Variants in ARPC1B observed in about 807,000 individuals in gnomAD.
ARPC1B encodes the protein actin-related protein 2/3 complex subunit 1B.
In ARPC1B, 29 loss-of-function variants were observed where a neutral mutation model predicts 46.0. The observed-to-expected ratio is 0.63, with a 90% CI of 0.47 to 0.86. ARPC1B has a LOEUF of 0.86. ARPC1B is among the 40% of genes least tolerant of loss of function. The pLI is 0.00. For missense variants in ARPC1B, 469 were observed against 529.4 expected, an observed-to-expected ratio of 0.89 and a Z score of 1.12; for synonymous variants, 201 against 213.9, an observed-to-expected ratio of 0.94 and a Z score of 0.53.
At chr7:99,390,736 TGCCCA>T (rs1303461614) in intron 5 of ARPC1B, 152 bp from the exon 6 acceptor site, 12 of 620,306 alleles carry the variant, frequency 1.9e-5, no homozygotes, top group Non-Finnish European at 3.3e-5. Flanking sequence ...CTCACTCTGT[TGCCCA>T]AACTGGAGCA....
chr7:99,386,582 T>C (rs1794397432), intron 2 of ARPC1B, 103 bp from the exon 3 acceptor site: 1 of 932,756 alleles, frequency 1.1e-6, no homozygotes, highest in Non-Finnish European at 1.8e-6. Context: ...AGAGACTGAG[T>C]CATGAAAGGT....
In ARPC1B at chr7:99,394,136, C is replaced by T. The variant is rs200325357; in HGVS notation, c.1080+17C>T. The T allele has an allele frequency of 6.2e-7, 1 of 1,612,006 alleles. No individual in the cohort carries two copies. Among genetic ancestry groups the T allele is most frequent in the East Asian group, 2.2e-5 (1 of 44,880 alleles). On this transcript the variant is annotated intron_variant, in intron 9 of 9. Transcript: ENST00000646101. ...GATGTGAAGGTGAGGCTTGCCCCTC[C>T]TGGCTTCCCGCCATGCCTCCCAGGT...
At chr7:99,386,552 C>G (rs939040927) in intron 2 of ARPC1B, 133 bp from the exon 3 acceptor site, 2 of 813,578 alleles carry the variant, frequency 2.5e-6, no homozygotes, top group Non-Finnish European at 4.3e-6. Context: ...CTTCAGGGGG[C>G]CCCTGCAAGG....
intron 1 of ARPC1B, chr7:99,377,299 T>A (rs1584396534): frequency 6.6e-6 from 1 of 151,994 alleles, no homozygotes; most frequent in African/African-American, 2.4e-5. Context: ...ACGCCTGCCT[T>A]ATACGTGCTT....
At chr7:99,393,009 G>A in intron 8 of ARPC1B, 133 bp downstream of exon 8, 3 of 999,674 alleles carry the variant, frequency 3.0e-6, no homozygotes, top group Non-Finnish European at 4.2e-6. Context: ...GACCCGGAGG[G>A]AGGGTAGGCG....
Position 99,394,502 on chromosome 7 carries a change from A to G in ARPC1B, c.*13A>G. ...CAAGATCAAATGACCTGTGAGGAAT[A>G]TGTTGCCTTCATCCTAGCTGCTGGG... is the stretch of plus-strand genomic sequence containing the variant. On this transcript the variant is annotated 3_prime_UTR_variant, in exon 10 of 10. Coordinates refer to ENST00000646101, the MANE Select transcript of ARPC1B (RefSeq NM_005720.4). 2 of 1,614,030 alleles carry G rather than the reference A, an allele frequency of 1.2e-6. No homozygotes were observed. Among genetic ancestry groups the G allele is most frequent in the Non-Finnish European group, 8.5e-7 (1 of 1,180,010 alleles).
chr7:99,386,204 T>C (rs1201808712), intron 2 of ARPC1B, among the ~76,000 whole-genome samples: 1 of 150,196 alleles, frequency 6.7e-6, no homozygotes, highest in East Asian at 1.9e-4. Context: ...TGAGTCGAGA[T>C]TGCACCACTG....
rs1485002584 is a variant in ARPC1B at position 99,391,162 on chromosome 7, A to G, written c.708-16A>G. On this transcript the variant is annotated splice_polypyrimidine_tract_variant and intron_variant, in intron 6 of 9. Coordinates refer to ENST00000646101, the MANE Select transcript of ARPC1B (RefSeq NM_005720.4). Reference sequence around the variant, plus strand: ...AGAGGAGTGGGACACCGTGACTCACAGCTCTCTCCCCTCAGCGTCGCGACT... The same window carrying G: ...AGAGGAGTGGGACACCGTGACTCACGGCTCTCTCCCCTCAGCGTCGCGACT... The G allele has an allele frequency of 6.2e-7, 1 of 1,613,778 alleles. No individual in the cohort carries two copies. Among genetic ancestry groups the G allele is most frequent in the East Asian group, 2.2e-5 (1 of 44,862 alleles).
chr7:99,390,143 C>A, intron 5 of ARPC1B, 131 bp downstream of exon 5: 2 of 776,770 alleles, frequency 2.6e-6, no homozygotes, highest in Non-Finnish European at 4.2e-6. Context: ...CAGTGGATGA[C>A]CTGGGCGTCG....
At chr7:99,380,102 T>C (rs748067058) in intron 1 of ARPC1B, among the ~76,000 whole-genome samples, 12 of 152,128 alleles carry the variant, frequency 7.9e-5, no homozygotes, top group Non-Finnish European at 1.8e-4. Flanking sequence ...CCCTCGTATT[T>C]TTCTCCTGAG....
intron 4 of ARPC1B, 105 bp from the exon 5 acceptor site, chr7:99,389,800 T>TGA: frequency 1.0e-6 from 1 of 972,726 alleles, no homozygotes; most frequent in East Asian, 2.4e-5. Flanking sequence ...CCTGGGTCTT[T>TGA]GGTGGGCTGC....
At chr7:99,381,907 A>C (rs1794237450) in intron 1 of ARPC1B, among the ~76,000 whole-genome samples, 1 of 152,222 alleles carries the variant, frequency 6.6e-6, no homozygotes, top group African/African-American at 2.4e-5. Context: ...TGGGGCATTC[A>C]GGGTTCCCAG....
intron 1 of ARPC1B, chr7:99,384,066 G>A (rs1235044876): frequency 6.6e-6 from 1 of 152,426 alleles, no homozygotes; most frequent in Non-Finnish European, 1.5e-5. Flanking sequence ...TGTGATGCTG[G>A]GAAACTGAGT....
At position 99,394,651 on chromosome 7, in the gene ARPC1B, A is replaced by C; in HGVS notation, c.*162A>C. On this transcript the variant is annotated 3_prime_UTR_variant, in exon 10 of 10. Coordinates refer to ENST00000646101, the MANE Select transcript of ARPC1B (RefSeq NM_005720.4). Reference sequence around the variant, plus strand: ...AGGGGACAGATGGGGAGCTTTTCTTACCTATTCAAGGAATACGTGCCTTTT... The same window carrying C: ...AGGGGACAGATGGGGAGCTTTTCTTCCCTATTCAAGGAATACGTGCCTTTT... 1 of 1,404,232 alleles carries C rather than the reference A, an allele frequency of 7.1e-7. No individual in the cohort carries two copies. The highest frequency in any genetic ancestry group is 1.6e-5 in the South Asian group (1 of 61,102). 87.0% of individuals were successfully genotyped at this position (1,404,232 alleles called of 1,614,324 possible).
chr7:99,391,368 C>A, intron 7 of ARPC1B, 115 bp downstream of exon 7: 1 of 1,107,078 alleles, frequency 9.0e-7, no homozygotes, highest in Middle Eastern at 2.9e-4. Flanking sequence ...TTCTTCCTTG[C>A]ATTCTCTCAT....
intron 8 of ARPC1B, among the ~76,000 whole-genome samples, 160 bp downstream of exon 8, chr7:99,393,036 C>T (rs1794622722): frequency 6.6e-6 from 1 of 152,114 alleles, no homozygotes; most frequent in African/African-American, 2.4e-5. Context: ...CAACTCGCTG[C>T]GCCGGAACGG....
chr7:99,385,394 C>T (rs1794356287), intron 1 of ARPC1B, among the ~76,000 whole-genome samples: 1 of 151,930 alleles, frequency 6.6e-6, no homozygotes, highest in African/African-American at 2.4e-5. Context: ...TAGCACCCCA[C>T]CCCGCCCCAG....
chr7:99,394,581 G>C lies in ARPC1B; in HGVS notation c.*92G>C. ...ATGGTTGCTTTGCTGAATGTTTCTG[G>C]GGTACCAATACGAGTTCCCATAGGG... On this transcript the variant is annotated 3_prime_UTR_variant, in exon 10 of 10. Coordinates refer to ENST00000646101, the MANE Select transcript of ARPC1B (RefSeq NM_005720.4). 6.2e-7 allele frequency: 1 copy of C among 1,601,810 alleles called. No homozygotes were observed. Among genetic ancestry groups the C allele is most frequent in the Non-Finnish European group, 8.5e-7 (1 of 1,173,932 alleles).
chr7:99,391,779 C>T (rs1445935424), intron 7 of ARPC1B, among the ~76,000 whole-genome samples: 4 of 151,228 alleles, frequency 2.6e-5, no homozygotes, highest in Admixed American at 1.3e-4. Flanking sequence ...GAGCCAGGCC[C>T]GGTGGCTCAC....
Sources: allele counts gnomAD v4.1 joint callset (sites outside exome capture counted in the v4.1 genomes callset), GRCh38; gene constraint gnomAD v4.1.1; transcripts MANE v1.5; gene names NCBI Gene and HGNC (gene_info 2026-07-23, HGNC 2026-07-21).